Variants in HPSE observed in about 807,000 individuals in gnomAD.
HPSE encodes endo-glucoronidase.
In HPSE, 48 loss-of-function variants were observed where a neutral mutation model predicts 65.1. That is an observed-to-expected ratio of 0.74 (90% CI 0.58 to 0.94). The LOEUF (loss-of-function observed/expected upper bound fraction) is 0.94, where lower values mean the gene tolerates loss of function less well. Among genes scored for constraint, HPSE ranks in the 40% least tolerant of loss-of-function variants. HPSE has a pLI of 0.00. For synonymous variants in HPSE, 243 were observed against 260.0 expected (o/e 0.93, Z 0.63); for missense variants, 644 against 637.5 (o/e 1.01, Z -0.11).
At chr4:83,311,786 A>G (rs1029794730) in intron 4 of HPSE, among the ~76,000 whole-genome samples, 26 of 15,380 alleles carry the variant, frequency 1.7e-3, no homozygotes, top group South Asian at 7.4e-3. Flanking sequence ...TGTCTGAAAA[A>G]AAAAAAAAAA....
rs184263893 is a variant in HPSE at position 83,308,190 on chromosome 4, T to C, written c.1091+655A>G. Among the ~76,000 whole-genome samples the C allele has an allele frequency of 4.8e-3, 726 of 152,136 alleles. 9 individuals carry two copies. Among genetic ancestry groups the C allele is most frequent in the African/African-American group, 0.017 (694 of 41,504 alleles). ...TGGAAGGCTGAGGTAGGCAGATCAC[T>C]TGAGCTCACGGGTTTCAGACCAGCC... On this transcript the variant is annotated intron_variant, in intron 8 of 11. Transcript: ENST00000311412.
chr4:83,332,482 C>T lies in HPSE; in HGVS notation c.227+2074G>A, dbSNP rs189523279. On this transcript the variant is annotated intron_variant, in intron 1 of 11. Coordinates refer to ENST00000311412, the MANE Select transcript of HPSE (RefSeq NM_001098540.3). ...CAGCAGCCAGCCTTGGAGAGAAGCA[C>T]GTATGGACAAGAATGAACTGTTTTG... 4.6e-5 allele frequency among the ~76,000 whole-genome samples: 7 copies of T among 152,246 alleles called. No homozygotes were observed. The East Asian group carries it at 1.2e-3, about 25-fold the overall frequency.
At position 83,326,353 on chromosome 4, in the gene HPSE, C is replaced by A. The variant is rs544479186; in HGVS notation, c.228-3989G>T. Reference sequence around the variant, plus strand: ...GGGATTATAGGCATGAGCTATTGTACCTGGCCTAGATTTGATTATTAATTG... The same window carrying A: ...GGGATTATAGGCATGAGCTATTGTAACTGGCCTAGATTTGATTATTAATTG... On this transcript the variant is annotated intron_variant, in intron 1 of 11. Coordinates refer to ENST00000311412, the MANE Select transcript of HPSE (RefSeq NM_001098540.3). The surrounding 1 kb of genome is among the most constrained non-coding windows in gnomAD (Gnocchi z 4.2). Among the ~76,000 whole-genome samples the A allele has an allele frequency of 8.8e-4, 134 of 152,210 alleles. 1 individual carries two copies. Among genetic ancestry groups the A allele is most frequent in the African/African-American group, 3.1e-3 (130 of 41,534 alleles).
chr4:83,332,601 A>G (rs1192476872), intron 1 of HPSE, among the ~76,000 whole-genome samples: 1 of 152,240 alleles, frequency 6.6e-6, no homozygotes, highest in African/African-American at 2.4e-5. Flanking sequence ...GAGGAGGGGA[A>G]AAAAGGGTGC....
intron 9 of HPSE, among the ~76,000 whole-genome samples, 191 bp from the exon 10 acceptor site, chr4:83,302,459 C>T (rs1353929036): frequency 2.7e-5 from 4 of 150,114 alleles, no homozygotes; most frequent in Non-Finnish European, 5.9e-5. Context: ...AGAGCAGTAT[C>T]GTGCTTGCTG....
At chr4:83,296,968 C>T (rs1016756685) in intron 11 of HPSE, among the ~76,000 whole-genome samples, 2 of 152,150 alleles carry the variant, frequency 1.3e-5, no homozygotes, top group Admixed American at 1.3e-4. Flanking sequence ...CCACCATGGA[C>T]CGCATATATA....
In HPSE at chr4:83,292,789, A is replaced by G. The variant is rs908515593; in HGVS notation, c.*2555T>C. ...AACCAAATACTGCATGTTCTCACTT[A>G]TAAGTGGAAGCTTAGCTGTAGGTAC... On this transcript the variant is annotated 3_prime_UTR_variant, in exon 12 of 12. Transcript: ENST00000311412. The G allele has an allele frequency of 6.6e-6, 1 of 152,236 alleles. No individual in the cohort carries two copies. The highest frequency in any genetic ancestry group is 2.4e-5 in the African/African-American group (1 of 41,452). 9.4% of individuals were successfully genotyped at this position (152,236 alleles called of 1,614,324 possible).
chr4:83,334,661 A>C lies in HPSE; in HGVS notation c.122T>G (p.Leu41Arg), dbSNP rs759295404. 6.3e-7 allele frequency: 1 copy of C among 1,580,632 alleles called. No individual in the cohort carries two copies. The highest frequency in any genetic ancestry group is 1.3e-5 in the African/African-American group (1 of 74,284). ...CAGCGGCTCCTGGGTGAAGAAGTCC[A>C]GGTCCACGACGTCCTGTGCTTGCGC... Reference protein sequence around the residue: ...RPAQAQDVVDLDFFTQEPLHL... With the variant: ...RPAQAQDVVDRDFFTQEPLHL... Residue 41 changes from leucine (L) to arginine (R), a missense_variant, in exon 1 of 12, where the codon CTG (leucine) becomes CGG (arginine). Physicochemically the swap from Leu to Arg is moderately radical, Grantham distance 102. Coordinates refer to ENST00000311412, the MANE Select transcript of HPSE (RefSeq NM_001098540.3).
intron 1 of HPSE, among the ~76,000 whole-genome samples, chr4:83,331,126 C>A (rs1463864265): frequency 6.6e-6 from 1 of 152,128 alleles, no homozygotes; most frequent in South Asian, 2.1e-4. Flanking sequence ...ATAACTTGAA[C>A]CCGGGAGGCG....
chr4:83,303,813 G>A (rs1736052067), intron 9 of HPSE, among the ~76,000 whole-genome samples: 1 of 152,156 alleles, frequency 6.6e-6, no homozygotes, highest in Non-Finnish European at 1.5e-5. Context: ...ACAGGTGTGA[G>A]CCACCACACC....
chr4:83,315,466 C>T (rs1459860478), intron 3 of HPSE, among the ~76,000 whole-genome samples: 1 of 152,170 alleles, frequency 6.6e-6, no homozygotes, highest in Non-Finnish European at 1.5e-5. Flanking sequence ...TAAGTCTTTG[C>T]CCAATATCAC....
intron 1 of HPSE, among the ~76,000 whole-genome samples, chr4:83,324,198 T>G (rs1228156091): frequency 1.4e-5 from 2 of 142,432 alleles, no homozygotes; most frequent in African/African-American, 5.2e-5. Flanking sequence ...CTCAGGCCAT[T>G]GCAGCCTCCA....
At chr4:83,328,763 CTTGG>C (rs1737248113) in intron 1 of HPSE, among the ~76,000 whole-genome samples, 1 of 150,898 alleles carries the variant, frequency 6.6e-6, no homozygotes, top group Admixed American at 6.6e-5. Flanking sequence ...TGGGGAAAGG[CTTGG>C]GGAAAGGCTT....
In HPSE at chr4:83,319,889, G is replaced by A. The variant is rs527625904; in HGVS notation, c.374-420C>T. Among the ~76,000 whole-genome samples the A allele has an allele frequency of 3.3e-5, 5 of 151,894 alleles. No individual in the cohort carries two copies. In the South Asian group the frequency reaches 8.3e-4, roughly 25 times the overall value. On this transcript the variant is annotated intron_variant, in intron 2 of 11. Coordinates refer to ENST00000311412, the MANE Select transcript of HPSE (RefSeq NM_001098540.3). ...CAGCCTGGCCAAATGGTGAAACCTC[G>A]TCTCTACTAAAATACAGCTACTCAG...
chr4:83,326,562 C>T lies in HPSE; in HGVS notation c.228-4198G>A, dbSNP rs779091927. On this transcript the variant is annotated intron_variant, in intron 1 of 11. Coordinates refer to ENST00000311412, the MANE Select transcript of HPSE (RefSeq NM_001098540.3). The surrounding 1 kb of genome is among the most constrained non-coding windows in gnomAD (Gnocchi z 4.2). ...AAAAAACATACTTCCATCCATCAGG[C>T]GCTTCGCCCTGTGTGTCTGGAACTC... 1.2e-4 allele frequency among the ~76,000 whole-genome samples: 18 copies of T among 152,294 alleles called. No homozygotes were observed. Among genetic ancestry groups the T allele is most frequent in the Non-Finnish European group, 1.5e-4 (10 of 68,024 alleles).
intron 1 of HPSE, among the ~76,000 whole-genome samples, chr4:83,333,082 C>T (rs1205295895): frequency 1.3e-5 from 2 of 152,152 alleles, no homozygotes; most frequent in East Asian, 1.9e-4. Flanking sequence ...AAGGATTCTT[C>T]CCCACCAGAA....
rs1737556492 is a variant in HPSE, at chr4:83,334,842, T to C, written c.-60A>G. 7.6e-6 allele frequency: 11 copies of C among 1,446,686 alleles called. No homozygotes were observed. The South Asian group carries it at 1.6e-4, about 21-fold the overall frequency. 89.6% of individuals were successfully genotyped at this position (1,446,686 alleles called of 1,614,324 possible). On this transcript the variant is annotated 5_prime_UTR_variant, in exon 1 of 12. Coordinates refer to ENST00000311412, the MANE Select transcript of HPSE (RefSeq NM_001098540.3). ...CCGCGCAGCGGAGAGTCGAGAGCTC[T>C]AGCACTTCCTCCCGCCGAGCCCCAG...
chr4:83,302,102 T>A (rs1353596335), intron 10 of HPSE, 48 bp downstream of exon 10: 3 of 1,257,614 alleles, frequency 2.4e-6, no homozygotes, highest in Non-Finnish European at 3.5e-6. Flanking sequence ...AGTTACAGGC[T>A]TACCCACTAA....
intron 7 of HPSE, among the ~76,000 whole-genome samples, 159 bp from the exon 8 acceptor site, chr4:83,309,110 C>T (rs1226356187): frequency 1.3e-5 from 2 of 152,132 alleles, no homozygotes; most frequent in African/African-American, 4.8e-5. Flanking sequence ...TCTTGGGAAA[C>T]TTTCTTTTAT....
Sources: gnomAD v4.1 joint callset for allele counts (sites outside exome capture counted in the v4.1 genomes callset) on GRCh38, gnomAD v4.1.1 for gene constraint, Gnocchi (gnomAD v3.1) non-coding constraint, MANE v1.5 for transcripts, NCBI Gene and HGNC (gene_info 2026-07-23, HGNC 2026-07-21) for gene names.